The following NCOA3 variants were observed in gnomAD, a reference collection of about 807,000 sequenced individuals.
The protein encoded by NCOA3 is nuclear receptor coactivator 3.
A neutral mutation model predicts 158.8 loss-of-function variants in NCOA3; 51 were observed. The ratio of observed to expected loss-of-function variants is 0.32; its 90% confidence interval spans 0.26 to 0.41. The LOEUF is 0.41. Ranked by LOEUF, NCOA3 falls within the 10% of genes least tolerant of loss-of-function variation. The pLI, the probability that NCOA3 is intolerant of heterozygous loss-of-function variation, is 1.00. For synonymous variants in NCOA3, 537 were observed against 592.4 expected (o/e 0.91, Z 1.36); for missense variants, 1,510 against 1,746.6 (o/e 0.86, Z 2.41).
intron 2 of NCOA3, among the ~76,000 whole-genome samples, chr20:47,598,728 T>C (rs938565063): frequency 2.0e-5 from 3 of 152,222 alleles, no homozygotes; most frequent in African/African-American, 7.2e-5. Flanking sequence ...AGCAACAGTA[T>C]TCATAGTAGC....
chr20:47,507,832 T>A (rs912687212), intron 1 of NCOA3, among the ~76,000 whole-genome samples: 1 of 152,174 alleles, frequency 6.6e-6, no homozygotes, highest in Non-Finnish European at 1.5e-5. Context: ...TGGGTCAGGC[T>A]GGTCTCGAAT....
At chr20:47,526,121 CG>C (rs2084442343) in intron 1 of NCOA3, among the ~76,000 whole-genome samples, 1 of 145,624 alleles carries the variant, frequency 6.9e-6, no homozygotes, top group African/African-American at 2.6e-5. Flanking sequence ...ACATCCCGGA[CG>C]GGGCGGCAGG....
In NCOA3 at chr20:47,651,045, C is replaced by G. The variant is rs969825525; in HGVS notation, c.3715C>G (p.Arg1239Gly). 2.5e-6 allele frequency: 4 copies of G among 1,613,928 alleles called. No individual in the cohort carries two copies. Among genetic ancestry groups the G allele is most frequent in the Non-Finnish European group, 2.5e-6 (3 of 1,180,008 alleles). The change falls in exon 20 of 23, where the codon CGA becomes GGA. Residue 1239 changes from arginine (R) to glycine (G), a missense_variant. Coordinates refer to ENST00000371998, the MANE Select transcript of NCOA3 (RefSeq NM_181659.3). Reference protein sequence around the residue: ...RSRELLSHHFRQQRVAMMMQQ... With the variant: ...RSRELLSHHFGQQRVAMMMQQ... ...CAGAGAGCTGCTAAGTCATCACTTC[C>G]GACAACAGAGGGTGGCTATGATGAT...
intron 1 of NCOA3, among the ~76,000 whole-genome samples, chr20:47,566,513 CTTAT>C (rs2085197949): frequency 6.6e-6 from 1 of 151,488 alleles, no homozygotes; most frequent in Non-Finnish European, 1.5e-5. Context: ...TCTATATCAC[CTTAT>C]TTATTTATTT....
chr20:47,561,097 C>G (rs2085097126), intron 1 of NCOA3, among the ~76,000 whole-genome samples: 1 of 150,944 alleles, frequency 6.6e-6, no homozygotes, highest in Non-Finnish European at 1.5e-5. Flanking sequence ...CTCCAGCCTC[C>G]TGAGTAGCTG....
At chr20:47,652,030 A>G (rs1369235334) in intron 20 of NCOA3, among the ~76,000 whole-genome samples, 2 of 152,094 alleles carry the variant, frequency 1.3e-5, no homozygotes, top group Non-Finnish European at 2.9e-5. Context: ...TTCCAGGAAC[A>G]TGGTGGGAAT....
At chr20:47,615,567 C>T (rs895009053) in intron 2 of NCOA3, among the ~76,000 whole-genome samples, 1 of 152,154 alleles carries the variant, frequency 6.6e-6, no homozygotes, top group African/African-American at 2.4e-5. Context: ...TTTGAGCTAG[C>T]AGGTATAATT....
intron 1 of NCOA3, among the ~76,000 whole-genome samples, chr20:47,519,800 TTGCTCAAGCTGGAG>T (rs2084296977): frequency 6.6e-6 from 1 of 151,856 alleles, no homozygotes. Context: ...TCTCGCTGTG[TTGCTCAAGCTGGAG>T]TGCAATGGCA....
chr20:47,511,544 T>TAC (rs1248367171), intron 1 of NCOA3, among the ~76,000 whole-genome samples: 1 of 21,434 alleles, frequency 4.7e-5, no homozygotes, highest in African/African-American at 8.7e-5. Flanking sequence ...TATATATATA[T>TAC]ATATATATAT....
At chr20:47,597,115 C>T (rs544296656) in intron 2 of NCOA3, among the ~76,000 whole-genome samples, 5 of 152,152 alleles carry the variant, frequency 3.3e-5, no homozygotes, top group African/African-American at 4.8e-5. Flanking sequence ...TGACCATCAC[C>T]ACAGTCATGA....
rs1168926962 is a variant in NCOA3 at position 47,656,520 on chromosome 20, T to G, written c.*3103T>G. The G allele has an allele frequency of 6.6e-6, 1 of 151,958 alleles. No homozygotes were observed. Among genetic ancestry groups the G allele is most frequent in the Non-Finnish European group, 1.5e-5 (1 of 67,990 alleles). 9.4% of individuals were successfully genotyped at this position (151,958 alleles called of 1,614,324 possible). ...CTTTTTATTTGCAGAAGCTGTGAGT[T>G]TTGTTCACAATTAGGTTCCTAGGAG... is the stretch of plus-strand genomic sequence containing the variant. On this transcript the variant is annotated 3_prime_UTR_variant, in exon 23 of 23. Transcript: ENST00000371998.
chr20:47,606,222 C>G lies in NCOA3; in HGVS notation c.-19-16007C>G, dbSNP rs575762653. On this transcript the variant is annotated intron_variant, in intron 2 of 22. Coordinates refer to ENST00000371998, the MANE Select transcript of NCOA3 (RefSeq NM_181659.3). ...TCAGGCTCTCAGCCCCAACCTTAAT[C>G]TAATATAGTGGCTCTCAACGTGTGG... 9.2e-5 allele frequency among the ~76,000 whole-genome samples: 14 copies of G among 152,302 alleles called. No individual in the cohort carries two copies. The South Asian group carries it at 2.7e-3, about 29-fold the overall frequency.
At chr20:47,519,389 A>G (rs2084289320) in intron 1 of NCOA3, among the ~76,000 whole-genome samples, 1 of 149,652 alleles carries the variant, frequency 6.7e-6, no homozygotes, top group Non-Finnish European at 1.5e-5. Flanking sequence ...TCAAGACTGC[A>G]CCATTGTACT....
intron 2 of NCOA3, among the ~76,000 whole-genome samples, chr20:47,613,930 A>T (rs567942381): frequency 2.6e-5 from 4 of 151,936 alleles, no homozygotes; most frequent in Admixed American, 2.6e-4. Flanking sequence ...ATTAAAAAAA[A>T]TTTTCTTTTC....
chr20:47,594,309 T>C (rs980500062), intron 2 of NCOA3, among the ~76,000 whole-genome samples: 1 of 152,130 alleles, frequency 6.6e-6, no homozygotes, highest in East Asian at 1.9e-4. Flanking sequence ...CGGAACCTTT[T>C]AGTTACCTGC....
At chr20:47,512,973 A>G (rs985705355) in intron 1 of NCOA3, among the ~76,000 whole-genome samples, 10 of 152,162 alleles carry the variant, frequency 6.6e-5, no homozygotes, top group African/African-American at 2.4e-4. Context: ...CCTGGCCAAC[A>G]TGGCAAAACC....
chr20:47,633,470 C>T (rs758379512), intron 8 of NCOA3, 26 bp from the exon 9 acceptor site: 1 of 1,592,404 alleles, frequency 6.3e-7, no homozygotes, highest in Non-Finnish European at 8.5e-7. Flanking sequence ...GGATATAAGT[C>T]TTTTTTTCCT....
intron 1 of NCOA3, among the ~76,000 whole-genome samples, chr20:47,536,794 A>G (rs2084640292): frequency 6.9e-6 from 1 of 145,846 alleles, no homozygotes; most frequent in Admixed American, 6.9e-5. Flanking sequence ...GCCCAGCCTC[A>G]CTGTTTTTTT....
chr20:47,613,031 G>A (rs1002215723), intron 2 of NCOA3, among the ~76,000 whole-genome samples: 5 of 152,296 alleles, frequency 3.3e-5, no homozygotes, highest in African/African-American at 4.8e-5. Context: ...GAACATAAAT[G>A]TGCAAGAAGG....
Sources: gnomAD v4.1 joint callset for allele counts (sites outside exome capture counted in the v4.1 genomes callset) on GRCh38, gnomAD v4.1.1 for gene constraint, MANE v1.5 for transcripts, NCBI Gene and HGNC (gene_info 2026-07-23, HGNC 2026-07-21) for gene names.